The following OPA1 variants were observed in gnomAD, a reference collection of about 807,000 sequenced individuals.
The protein encoded by OPA1 is dynamin-like GTPase OPA1, mitochondrial.
OPA1 carries 59 observed loss-of-function variants against 152.9 expected under a neutral mutation model. The ratio of observed to expected loss-of-function variants is 0.39; its 90% CI spans 0.31 to 0.48. The LOEUF is 0.48. OPA1 is among the 20% of genes least tolerant of loss of function. The pLI is 0.96. For synonymous variants in OPA1, 400 were observed against 389.9 expected, an observed-to-expected ratio of 1.03 and a Z score of -0.31; for missense variants, 1,008 against 1,216.8, an observed-to-expected ratio of 0.83 and a Z score of 2.55.
intron 29 of OPA1, among the ~76,000 whole-genome samples, chr3:193,687,053 G>A (rs969807492): frequency 6.6e-6 from 1 of 152,128 alleles, no homozygotes; most frequent in Admixed American, 6.6e-5. Context: ...TGGCCTTTTG[G>A]TATTCACAGT....
At position 193,634,500 on chromosome 3, in the gene OPA1, C is replaced by G. The variant is rs1732627723; in HGVS notation, c.844-918C>G. On this transcript the variant is annotated intron_variant, in intron 8 of 30. Transcript: ENST00000361510. ...TGGTGCAATCTTGGCTCGCTGCAAC[C>G]TCCGCCTCCCGGGTTCAAGCGATTC... Among the ~76,000 whole-genome samples, 10 of 151,916 alleles carry G rather than the reference C, an allele frequency of 6.6e-5. 1 individual carries two copies. The highest frequency in any genetic ancestry group is 6.6e-4 in the Admixed American group (10 of 15,258).
chr3:193,626,573 G>A (rs1188283656), intron 7 of OPA1, among the ~76,000 whole-genome samples: 1 of 152,158 alleles, frequency 6.6e-6, no homozygotes, highest in Non-Finnish European at 1.5e-5. Context: ...AAAATGAAAA[G>A]CATTGCTGTA....
rs193243306 is a variant in OPA1, at chr3:193,621,032, G to A, written c.678+2096G>A. Reference sequence around the variant, plus strand: ...GCTGAATACTTTTTTAACTGGTTCAGTCTGAGGGCTGAAAGCCCCAGATTT... The same window carrying A: ...GCTGAATACTTTTTTAACTGGTTCAATCTGAGGGCTGAAAGCCCCAGATTT... On this transcript the variant is annotated intron_variant, in intron 6 of 30. Coordinates refer to ENST00000361510, the MANE Select transcript of OPA1 (RefSeq NM_130837.3). 5.3e-5 allele frequency among the ~76,000 whole-genome samples: 8 copies of A among 152,344 alleles called. No individual in the cohort carries two copies. In the East Asian group the frequency reaches 1.5e-3, roughly 29 times the overall value.
intron 1 of OPA1, among the ~76,000 whole-genome samples, chr3:193,608,741 G>C (rs1053799271): frequency 2.5e-4 from 38 of 152,008 alleles, no homozygotes; most frequent in Admixed American, 3.9e-4. Context: ...GAGCTGAGTT[G>C]AATTCCTGGA....
At chr3:193,606,057 T>G (rs932210443) in intron 1 of OPA1, among the ~76,000 whole-genome samples, 13 of 152,258 alleles carry the variant, frequency 8.5e-5, no homozygotes, top group African/African-American at 3.1e-4. Flanking sequence ...TTGAATATTG[T>G]CAGGAGGACT....
At chr3:193,690,654 A>G (rs894882746) in intron 29 of OPA1, among the ~76,000 whole-genome samples, 6 of 152,172 alleles carry the variant, frequency 3.9e-5, no homozygotes, top group South Asian at 2.1e-4. Context: ...TTGGGTACTC[A>G]TCACTAATAG....
intron 6 of OPA1, among the ~76,000 whole-genome samples, chr3:193,622,723 T>C (rs1464717756): frequency 6.6e-6 from 1 of 152,234 alleles, no homozygotes. Flanking sequence ...ACTATTTACT[T>C]TGGCTTACAT....
chr3:193,598,587 G>A (rs1463605933), intron 1 of OPA1, among the ~76,000 whole-genome samples: 1 of 152,208 alleles, frequency 6.6e-6, no homozygotes, highest in Non-Finnish European at 1.5e-5. Context: ...AAACAGAAAA[G>A]TCAGAGGACG....
At position 193,635,221 on chromosome 3, in the gene OPA1, A is replaced by G. The variant is rs575096690; in HGVS notation, c.844-197A>G. Among the ~76,000 whole-genome samples, 7 of 152,346 alleles carry G rather than the reference A, an allele frequency of 4.6e-5. No individual in the cohort carries two copies. In the East Asian group the frequency reaches 9.6e-4, roughly 21 times the overall value. ...AAATTCTTAATTATGATAGAAAATT[A>G]CAATGATTTCCACTGTTTGTAAGAG... is the stretch of plus-strand genomic sequence containing the variant. On this transcript the variant is annotated intron_variant, in intron 8 of 30. Coordinates refer to ENST00000361510, the MANE Select transcript of OPA1 (RefSeq NM_130837.3).
intron 1 of OPA1, among the ~76,000 whole-genome samples, chr3:193,604,514 A>G (rs1223980794): frequency 6.6e-6 from 1 of 152,190 alleles, no homozygotes; most frequent in Non-Finnish European, 1.5e-5. Context: ...GGTAAGAGGG[A>G]AATCCCTTCA....
intron 29 of OPA1, among the ~76,000 whole-genome samples, chr3:193,670,790 A>G (rs2109312754): frequency 6.6e-6 from 1 of 152,312 alleles, no homozygotes; most frequent in South Asian, 2.1e-4. Context: ...AGATTGAAGA[A>G]ATGAAAAAGG....
chr3:193,639,168 T>G (rs1204086464), intron 11 of OPA1, among the ~76,000 whole-genome samples: 1 of 152,110 alleles, frequency 6.6e-6, no homozygotes, highest in Non-Finnish European at 1.5e-5. Context: ...TGAACAGATA[T>G]TTACGGAATG....
intron 20 of OPA1, 95 bp downstream of exon 20, chr3:193,648,229 G>A: frequency 3.1e-6 from 3 of 955,668 alleles, no homozygotes. Context: ...ATAAGCTAAA[G>A]TACTTTGGTT....
At chr3:193,686,000 A>C (rs1313360562) in intron 29 of OPA1, among the ~76,000 whole-genome samples, 2 of 152,192 alleles carry the variant, frequency 1.3e-5, no homozygotes. Context: ...AATCATATCA[A>C]ATAATTGCCC....
At chr3:193,674,685 A>G (rs545868793) in intron 29 of OPA1, among the ~76,000 whole-genome samples, 11 of 152,224 alleles carry the variant, frequency 7.2e-5, no homozygotes, top group Non-Finnish European at 1.5e-4. Context: ...TTTAGAAAAG[A>G]AAACATCAAG....
In OPA1 at chr3:193,638,081, G is replaced by A. The variant is rs767790436; in HGVS notation, c.1149+16G>A. On this transcript the variant is annotated intron_variant, in intron 11 of 30. Coordinates refer to ENST00000361510, the MANE Select transcript of OPA1 (RefSeq NM_130837.3). ...TCCAGTTAAGGTAAGAACATAGGCCGTCTCAGTGAGGTTCCTTAGGAGAGT... is the reference window on the plus strand; with the variant it reads ...TCCAGTTAAGGTAAGAACATAGGCCATCTCAGTGAGGTTCCTTAGGAGAGT... 34 of 1,575,562 alleles carry A rather than the reference G, an allele frequency of 2.2e-5. 1 individual carries two copies. Among genetic ancestry groups the A allele is most frequent in the East Asian group, 6.7e-5 (3 of 44,686 alleles).
At chr3:193,657,295 T>A in intron 23 of OPA1, 63 bp downstream of exon 23, 1 of 1,496,630 alleles carries the variant, frequency 6.7e-7, no homozygotes, top group South Asian at 1.2e-5. Flanking sequence ...AAATTGATAC[T>A]TTTTCATAGG....
At chr3:193,662,696 TG>T in intron 25 of OPA1, 125 bp from the exon 26 acceptor site, 2 of 780,582 alleles carry the variant, frequency 2.6e-6, no homozygotes, top group East Asian at 2.7e-5. Context: ...GTTTCTTTCT[TG>T]TTTGTTGTGA....
At chr3:193,686,950 T>A (rs1351651192) in intron 29 of OPA1, among the ~76,000 whole-genome samples, 1 of 152,146 alleles carries the variant, frequency 6.6e-6, no homozygotes, top group African/African-American at 2.4e-5. Flanking sequence ...TTTTAAAAGG[T>A]TTATTTCAGG....
Sources: gnomAD v4.1 joint callset for allele counts (sites outside exome capture counted in the v4.1 genomes callset) on GRCh38, gnomAD v4.1.1 for gene constraint, MANE v1.5 for transcripts, NCBI Gene and HGNC (gene_info 2026-07-23, HGNC 2026-07-21) for gene names.